DNAH11: variants seen among roughly 807,000 people sequenced by gnomAD.
DNAH11 encodes the protein dynein axonemal heavy chain 11, also known as axonemal beta dynein heavy chain 11.
DNAH11 carries 442 observed loss-of-function variants against 526.0 expected under a neutral mutation model. The observed-to-expected ratio is 0.84, with a 90% CI of 0.78 to 0.91. DNAH11 has a LOEUF of 0.91. DNAH11 is among the 40% of genes least tolerant of loss of function. The pLI, the probability that DNAH11 is intolerant of heterozygous loss-of-function variation, is 0.00. For synonymous variants in DNAH11, 2,461 were observed against 1,935.9 expected (o/e 1.27, Z -7.12); for missense variants, 6,989 against 5,448.7 (o/e 1.28, Z -8.90).
chr7:21,839,625 G>A (rs190758930), intron 65 of DNAH11, among the ~76,000 whole-genome samples: 1 of 151,842 alleles, frequency 6.6e-6, no homozygotes, highest in East Asian at 1.9e-4. Flanking sequence ...ACTGGCTTGG[G>A]CAGAAGAGGG....
At chr7:21,688,216 C>T (rs1783464910) in intron 34 of DNAH11, among the ~76,000 whole-genome samples, 1 of 152,152 alleles carries the variant, frequency 6.6e-6, no homozygotes, top group Non-Finnish European at 1.5e-5. Flanking sequence ...TCTCCTACAT[C>T]TCTCTCCCCT....
At chr7:21,799,322 T>C (rs1441579954) in intron 61 of DNAH11, among the ~76,000 whole-genome samples, 1 of 152,062 alleles carries the variant, frequency 6.6e-6, no homozygotes, top group African/African-American at 2.4e-5. Flanking sequence ...ACCTGTAATA[T>C]TTTTACTTCA....
intron 66 of DNAH11, chr7:21,851,702 G>A (rs1782646621): frequency 2.1e-6 from 1 of 469,996 alleles, no homozygotes; most frequent in Admixed American, 2.4e-5. Context: ...TTTAATTCAA[G>A]CTCTACTTGC....
chr7:21,866,851 A>T (rs1461959136), intron 71 of DNAH11, among the ~76,000 whole-genome samples, 188 bp downstream of exon 71: 1 of 152,210 alleles, frequency 6.6e-6, no homozygotes, highest in Non-Finnish European at 1.5e-5. Context: ...TGCTAGGCAG[A>T]CTCAGCACAT....
chr7:21,873,556 C>T, intron 74 of DNAH11, 55 bp downstream of exon 74: 1 of 1,547,396 alleles, frequency 6.5e-7, no homozygotes, highest in South Asian at 1.1e-5. Flanking sequence ...TCTCACAAGA[C>T]TGTGGGGCCC....
chr7:21,730,102 A>C (rs1451518886), intron 45 of DNAH11, among the ~76,000 whole-genome samples: 2 of 152,226 alleles, frequency 1.3e-5, no homozygotes, highest in Non-Finnish European at 2.9e-5. Flanking sequence ...GAGCTACCAT[A>C]TGATCTAGCA....
In DNAH11 at chr7:21,896,688, G is replaced by A. The variant is rs375832877; in HGVS notation, c.13049+1689G>A. Among the ~76,000 whole-genome samples, 16 of 151,892 alleles carry A rather than the reference G, an allele frequency of 1.1e-4. No homozygotes were observed. The East Asian group carries it at 1.2e-3, about 11-fold the overall frequency. Reference sequence around the variant, plus strand: ...TCTTAACGTTTTCAGTGTGTCTTTCGGCTGTATACTTGTAGACTTCATCAG... The same window carrying A: ...TCTTAACGTTTTCAGTGTGTCTTTCAGCTGTATACTTGTAGACTTCATCAG... On this transcript the variant is annotated intron_variant, in intron 79 of 81. Coordinates refer to ENST00000409508, the MANE Select transcript of DNAH11 (RefSeq NM_001277115.2).
chr7:21,790,400 A>G (rs1371544381), intron 61 of DNAH11, among the ~76,000 whole-genome samples: 1 of 152,186 alleles, frequency 6.6e-6, no homozygotes, highest in African/African-American at 2.4e-5. Context: ...CAGTGAGCCA[A>G]GATCACACCA....
chr7:21,817,519 C>CA (rs10532841), intron 64 of DNAH11, among the ~76,000 whole-genome samples: 159 of 86,384 alleles, frequency 1.8e-3, no homozygotes, highest in Middle Eastern at 6.3e-3. Context: ...CCATCTCTAC[C>CA]AAAAAAAAAA....
chr7:21,803,856 G>C (rs1190282344), intron 62 of DNAH11, among the ~76,000 whole-genome samples: 1 of 149,594 alleles, frequency 6.7e-6, no homozygotes, highest in Non-Finnish European at 1.5e-5. Flanking sequence ...AGTGGGGAAT[G>C]GGGCTATCAT....
At position 21,614,312 on chromosome 7, in the gene DNAH11, C is replaced by T. The variant is rs142392434; in HGVS notation, c.3853-802C>T. ...AGCCAGTAGTAACCTAGTATAATGT[C>T]TAAACGTGATCAATCAACAAAGAGC... On this transcript the variant is annotated intron_variant, in intron 20 of 81. Transcript: ENST00000409508. Among the ~76,000 whole-genome samples, 342 of 152,254 alleles carry T rather than the reference C, an allele frequency of 2.2e-3. 1 individual carries two copies. Among genetic ancestry groups the T allele is most frequent in the Non-Finnish European group, 3.9e-3 (266 of 68,020 alleles).
In DNAH11 at chr7:21,697,144, G is replaced by C. The variant is rs904073011; in HGVS notation, c.6042-931G>C. Reference sequence around the variant, plus strand: ...TTACAAAAACAGGTAGGTATTATTGGAATGTATACTTTAAGAAGTCTAAAA... The same window carrying C: ...TTACAAAAACAGGTAGGTATTATTGCAATGTATACTTTAAGAAGTCTAAAA... On this transcript the variant is annotated intron_variant, in intron 35 of 81. Coordinates refer to ENST00000409508, the MANE Select transcript of DNAH11 (RefSeq NM_001277115.2). Among the ~76,000 whole-genome samples, 5 of 152,244 alleles carry C rather than the reference G, an allele frequency of 3.3e-5. No individual in the cohort carries two copies. The South Asian group carries it at 1.0e-3, about 32-fold the overall frequency.
chr7:21,849,305 C>T (rs73279810), intron 66 of DNAH11, among the ~76,000 whole-genome samples: 14,312 of 152,232 alleles, frequency 0.094, 1,934 homozygotes, highest in African/African-American at 0.29. Flanking sequence ...TTCGTTTATC[C>T]ATAAGTTATA....
chr7:21,788,593 A>C (rs1161261285), intron 60 of DNAH11, among the ~76,000 whole-genome samples: 1 of 152,176 alleles, frequency 6.6e-6, no homozygotes, highest in African/African-American at 2.4e-5. Flanking sequence ...CAGAAAAAAA[A>C]TTGATCCACC....
At chr7:21,618,326 A>G (rs1275835092) in intron 23 of DNAH11, 1 of 152,680 alleles carries the variant, frequency 6.5e-6, no homozygotes, top group East Asian at 1.9e-4. Context: ...GTGCTAAGGA[A>G]TGTTAGAGGG....
At chr7:21,836,490 G>C (rs892087041) in intron 65 of DNAH11, among the ~76,000 whole-genome samples, 1 of 152,132 alleles carries the variant, frequency 6.6e-6, no homozygotes, top group African/African-American at 2.4e-5. Flanking sequence ...AATACACATT[G>C]TGGAAAGAAC....
intron 42 of DNAH11, among the ~76,000 whole-genome samples, chr7:21,713,620 TG>T (rs1784543090): frequency 6.6e-6 from 1 of 152,172 alleles, no homozygotes; most frequent in Non-Finnish European, 1.5e-5. Flanking sequence ...CACACTTCTG[TG>T]ACTAGTCCTT....
chr7:21,675,882 T>C (rs1554333627), intron 30 of DNAH11, among the ~76,000 whole-genome samples: 2 of 151,402 alleles, frequency 1.3e-5, no homozygotes, highest in African/African-American at 2.5e-5. Context: ...AATAAATAGA[T>C]AGGGGGTAAT....
At chr7:21,617,375 C>T (rs78357664) in intron 22 of DNAH11, among the ~76,000 whole-genome samples, 7 of 152,304 alleles carry the variant, frequency 4.6e-5, no homozygotes, top group African/African-American at 1.7e-4. Context: ...CCTCATGGGA[C>T]ATTCAGTTAG....
Sources: allele counts gnomAD v4.1 joint callset (sites outside exome capture counted in the v4.1 genomes callset), GRCh38; gene constraint gnomAD v4.1.1; transcripts MANE v1.5; gene names NCBI Gene and HGNC (gene_info 2026-07-23, HGNC 2026-07-21).